COL24A1: variants seen among roughly 807,000 people sequenced by gnomAD.
The protein encoded by COL24A1 is collagen type XXIV alpha 1 chain, also known as collagen alpha-1(XXIV) chain.
Under a neutral mutation model 253.9 loss-of-function variants are expected in COL24A1, and 224 were observed. That is an observed-to-expected ratio of 0.88 (90% CI 0.79 to 0.99). COL24A1 has a LOEUF of 0.99. Among genes scored for constraint, COL24A1 ranks in the 50% least tolerant of loss-of-function variants. The pLI is 0.00. For missense variants in COL24A1, 2,131 were observed against 2,068.5 expected (o/e 1.03, Z -0.59); for synonymous variants, 685 against 673.7 (o/e 1.02, Z -0.26).
intron 43 of COL24A1, among the ~76,000 whole-genome samples, chr1:85,831,500 T>C (rs749695260): frequency 6.6e-6 from 1 of 152,096 alleles, no homozygotes; most frequent in Non-Finnish European, 1.5e-5. Flanking sequence ...TTACAATTAC[T>C]TTGGTTTATC....
chr1:85,783,604 A>G (rs1669359918), intron 50 of COL24A1, 46 bp from the exon 51 acceptor site: 3 of 1,532,386 alleles, frequency 2.0e-6, no homozygotes, highest in Non-Finnish European at 2.7e-6. Flanking sequence ...GTAGCTCTAT[A>G]TGAACATTTT....
At chr1:86,098,538 A>G (rs1167061754) in intron 5 of COL24A1, among the ~76,000 whole-genome samples, 1 of 152,206 alleles carries the variant, frequency 6.6e-6, no homozygotes, top group Non-Finnish European at 1.5e-5. Flanking sequence ...CAGGGGAAAC[A>G]GTTTGGGGGT....
intron 7 of COL24A1, among the ~76,000 whole-genome samples, chr1:86,076,406 GA>G (rs1191337442): frequency 6.6e-6 from 1 of 152,076 alleles, no homozygotes; most frequent in Non-Finnish European, 1.5e-5. Context: ...CAAACAAATG[GA>G]AAAACATTCC....
chr1:85,969,676 G>T (rs1691949529), intron 22 of COL24A1, among the ~76,000 whole-genome samples: 1 of 137,060 alleles, frequency 7.3e-6, no homozygotes, highest in African/African-American at 2.7e-5. Context: ...GAAAAGAAAT[G>T]AGATGTATTT....
At chr1:86,153,060 T>C (rs1652991885) in intron 1 of COL24A1, among the ~76,000 whole-genome samples, 1 of 152,224 alleles carries the variant, frequency 6.6e-6, no homozygotes, top group Non-Finnish European at 1.5e-5. Context: ...ACTTCATTTC[T>C]TTCAGGCCCT....
chr1:85,819,688 T>A (rs1187933886), intron 45 of COL24A1, among the ~76,000 whole-genome samples: 1 of 151,902 alleles, frequency 6.6e-6, no homozygotes, highest in East Asian at 1.9e-4. Flanking sequence ...ATAATAATAA[T>A]AATGTAACAA....
intron 20 of COL24A1, among the ~76,000 whole-genome samples, chr1:85,975,401 G>A (rs904446561): frequency 3.3e-5 from 5 of 152,156 alleles, no homozygotes; most frequent in African/African-American, 1.2e-4. Flanking sequence ...AGAAAATGTA[G>A]TATATTATAC....
intron 31 of COL24A1, among the ~76,000 whole-genome samples, chr1:85,892,479 T>C (rs1683232142): frequency 6.6e-6 from 1 of 152,062 alleles, no homozygotes. Flanking sequence ...GGATGTTCTA[T>C]AGGTTACAGG....
At chr1:86,058,050 C>A in intron 9 of COL24A1, 75 bp from the exon 10 acceptor site, 2 of 1,166,264 alleles carry the variant, frequency 1.7e-6, no homozygotes, top group Non-Finnish European at 2.5e-6. Flanking sequence ...AATAAAAAGG[C>A]CATATAAAGA....
chr1:86,022,725 C>A (rs1697663885), intron 16 of COL24A1, 108 bp downstream of exon 16: 2 of 1,234,208 alleles, frequency 1.6e-6, no homozygotes, highest in Non-Finnish European at 1.1e-6. Flanking sequence ...ATAATTGATA[C>A]TACAAATTAG....
intron 43 of COL24A1, among the ~76,000 whole-genome samples, chr1:85,832,847 A>C (rs1293263126): frequency 3.3e-5 from 5 of 150,788 alleles, no homozygotes; most frequent in African/African-American, 5.0e-5. Flanking sequence ...GGGGTTTTCT[A>C]GATATACAAT....
chr1:85,829,189 G>C (rs1238916058), intron 43 of COL24A1, among the ~76,000 whole-genome samples: 4 of 150,078 alleles, frequency 2.7e-5, no homozygotes, highest in Admixed American at 2.0e-4. Context: ...ATGAAGCTTA[G>C]TTTGGCTGGA....
In COL24A1 at chr1:85,982,726, C is replaced by T. The variant is rs545219380; in HGVS notation, c.2364+4875G>A. ...TTTTTACCTTTTCACTTATGAAGGGCTCATGTTTCCAGAGAATTACAAGTT... is the reference window on the plus strand; with the variant it reads ...TTTTTACCTTTTCACTTATGAAGGGTTCATGTTTCCAGAGAATTACAAGTT... On this transcript the variant is annotated intron_variant, in intron 20 of 59. Coordinates refer to ENST00000370571, the MANE Select transcript of COL24A1 (RefSeq NM_152890.7). 2.6e-5 allele frequency among the ~76,000 whole-genome samples: 4 copies of T among 152,092 alleles called. No individual in the cohort carries two copies. The East Asian group carries it at 7.7e-4, about 29-fold the overall frequency.
chr1:85,885,459 G>T (rs1246956769), intron 32 of COL24A1, among the ~76,000 whole-genome samples: 2 of 150,134 alleles, frequency 1.3e-5, no homozygotes, highest in African/African-American at 4.9e-5. Flanking sequence ...GACCTCAGGT[G>T]ATCCACCTGC....
chr1:86,050,062 C>A, intron 11 of COL24A1, 62 bp downstream of exon 11: 1 of 1,404,732 alleles, frequency 7.1e-7, no homozygotes, highest in South Asian at 1.3e-5. Flanking sequence ...TTTTATGACC[C>A]CCATTGTACA....
At chr1:86,151,227 A>T (rs1652732731) in intron 1 of COL24A1, among the ~76,000 whole-genome samples, 1 of 152,122 alleles carries the variant, frequency 6.6e-6, no homozygotes, top group Non-Finnish European at 1.5e-5. Context: ...TTGTTAATTC[A>T]TTCATATATT....
chr1:86,045,138 CA>C (rs1405018220), intron 12 of COL24A1, among the ~76,000 whole-genome samples: 2 of 151,980 alleles, frequency 1.3e-5, no homozygotes, highest in Non-Finnish European at 2.9e-5. Context: ...TACAGGCACC[CA>C]CCACCACAGC....
At chr1:86,001,612 T>G (rs1695414987) in intron 19 of COL24A1, among the ~76,000 whole-genome samples, 1 of 152,184 alleles carries the variant, frequency 6.6e-6, no homozygotes, top group Non-Finnish European at 1.5e-5. Flanking sequence ...TAGCTCATAA[T>G]CATTTACTGC....
At position 86,040,999 on chromosome 1, in the gene COL24A1, C is replaced by T. The variant is rs560234019; in HGVS notation, c.1950+5826G>A. ...ATAAAAACTAATAACAGATGTCCAA[C>T]ACCAGGATTTTATATTCTGAAATTC... On this transcript the variant is annotated intron_variant, in intron 12 of 59. Coordinates refer to ENST00000370571, the MANE Select transcript of COL24A1 (RefSeq NM_152890.7). Among the ~76,000 whole-genome samples the T allele has an allele frequency of 3.9e-5, 6 of 152,254 alleles. No homozygotes were observed. In the South Asian group the frequency reaches 1.2e-3, roughly 32 times the overall value.
Sources: gnomAD v4.1 joint callset for allele counts (sites outside exome capture counted in the v4.1 genomes callset) on GRCh38, gnomAD v4.1.1 for gene constraint, MANE v1.5 for transcripts, NCBI Gene and HGNC (gene_info 2026-07-23, HGNC 2026-07-21) for gene names.